HSF2BP: variants seen among roughly 807,000 people sequenced by gnomAD.
HSF2BP encodes the protein heat shock factor 2-binding protein.
Under a neutral mutation model 35.0 loss-of-function variants are expected in HSF2BP, and 35 were observed. That is an observed-to-expected ratio of 1.00 (90% CI 0.76 to 1.32). HSF2BP has a LOEUF of 1.32. HSF2BP is among the 40% of genes most tolerant of loss of function. HSF2BP has a pLI of 0.00. For missense variants in HSF2BP, 326 were observed against 321.7 expected (o/e 1.01, Z -0.10); for synonymous variants, 114 against 117.4 (o/e 0.97, Z 0.18).
chr21:43,636,689 T>C (rs958696573), intron 4 of HSF2BP, among the ~76,000 whole-genome samples: 2 of 151,830 alleles, frequency 1.3e-5, no homozygotes, highest in Non-Finnish European at 2.9e-5. Flanking sequence ...GTCAGGAGTT[T>C]AGGACCAGTC....
At chr21:43,600,964 T>C (rs1305702212) in intron 7 of HSF2BP, among the ~76,000 whole-genome samples, 6 of 152,266 alleles carry the variant, frequency 3.9e-5, no homozygotes, top group Non-Finnish European at 8.8e-5. Flanking sequence ...GATTTGTTTA[T>C]GTTGATTTCT....
intron 6 of HSF2BP, among the ~76,000 whole-genome samples, chr21:43,618,797 T>A (rs930757322): frequency 1.0e-4 from 15 of 148,348 alleles, no homozygotes; most frequent in African/African-American, 3.7e-4. Context: ...AAAAAAAAAA[T>A]TAGCCAGGCG....
intron 4 of HSF2BP, among the ~76,000 whole-genome samples, chr21:43,637,563 G>A (rs2082579965): frequency 6.6e-6 from 1 of 151,830 alleles, no homozygotes; most frequent in Non-Finnish European, 1.5e-5. Context: ...AGCATTTTAA[G>A]GAACCAAGGT....
At chr21:43,608,783 G>A (rs187170645) in intron 7 of HSF2BP, among the ~76,000 whole-genome samples, 16 of 151,918 alleles carry the variant, frequency 1.1e-4, no homozygotes, top group Non-Finnish European at 2.1e-4. Context: ...GCAAGAAAGT[G>A]AGACCCCTAT....
chr21:43,617,128 A>G (rs118015023), intron 6 of HSF2BP, among the ~76,000 whole-genome samples: 2,877 of 152,202 alleles, frequency 0.019, 39 homozygotes, highest in Middle Eastern at 0.058. Flanking sequence ...AAGCCTGACC[A>G]AACTGTAGAC....
At chr21:43,648,400 G>T (rs1013557177) in intron 3 of HSF2BP, among the ~76,000 whole-genome samples, 3 of 152,194 alleles carry the variant, frequency 2.0e-5, no homozygotes, top group African/African-American at 7.2e-5. Context: ...CAAGCATCTT[G>T]TCTGGAGCAA....
At chr21:43,467,753 C>T in the HSF2BP span, among the ~76,000 whole-genome samples, 1 of 99,108 alleles carries the variant, frequency 1.0e-5, no homozygotes, top group Non-Finnish European at 2.0e-5. Flanking sequence ...CCACACACCA[C>T]ACACCCACAC....
intron 7 of HSF2BP, among the ~76,000 whole-genome samples, chr21:43,608,341 TG>T (rs936083091): frequency 2.5e-4 from 38 of 151,796 alleles, no homozygotes; most frequent in African/African-American, 8.7e-4. Context: ...CAACGAAACA[TG>T]AAAAAATGCC....
intron 2 of HSF2BP, among the ~76,000 whole-genome samples, chr21:43,657,626 C>G (rs776461670): frequency 4.6e-5 from 7 of 152,216 alleles, no homozygotes; most frequent in Non-Finnish European, 8.8e-5. Flanking sequence ...GGATCTGGCC[C>G]CAGTCCAAGC....
At chr21:43,587,210 C>G (rs2081862876) in intron 8 of HSF2BP, among the ~76,000 whole-genome samples, 1 of 152,140 alleles carries the variant, frequency 6.6e-6, no homozygotes, top group Non-Finnish European at 1.5e-5. Context: ...CCATACATAA[C>G]TCAGGAGTCA....
intron 6 of HSF2BP, among the ~76,000 whole-genome samples, chr21:43,628,732 G>C (rs1208554395): frequency 1.3e-5 from 2 of 152,232 alleles, no homozygotes; most frequent in African/African-American, 4.8e-5. Context: ...CTAGAGAAAA[G>C]TCAATGCCTG....
intron 8 of HSF2BP, among the ~76,000 whole-genome samples, chr21:43,573,947 C>T (rs879362565): frequency 6.6e-6 from 1 of 152,210 alleles, no homozygotes; most frequent in Non-Finnish European, 1.5e-5. Context: ...GTCATCTTGT[C>T]TGCATGGGAC....
intron 8 of HSF2BP, among the ~76,000 whole-genome samples, chr21:43,589,778 G>T (rs2081903110): frequency 1.3e-5 from 2 of 151,950 alleles, no homozygotes; most frequent in African/African-American, 4.8e-5. Flanking sequence ...CAAAACAAAT[G>T]GTACTGGATC....
intron 8 of HSF2BP, among the ~76,000 whole-genome samples, chr21:43,573,985 A>T (rs1024078571): frequency 7.2e-5 from 11 of 152,218 alleles, no homozygotes; most frequent in Admixed American, 2.6e-4. Flanking sequence ...TAGTGAAGAC[A>T]GCCTCGAGGC....
the HSF2BP span, among the ~76,000 whole-genome samples, chr21:43,496,262 A>G: frequency 1.3e-5 from 1 of 77,416 alleles, no homozygotes; most frequent in Non-Finnish European, 2.7e-5. Context: ...ACAAATGGCA[A>G]CCCAAGAACA....
intron 4 of HSF2BP, among the ~76,000 whole-genome samples, chr21:43,641,043 T>C (rs923332592): frequency 6.6e-6 from 1 of 152,218 alleles, no homozygotes; most frequent in African/African-American, 2.4e-5. Flanking sequence ...AACTACAATT[T>C]TTCTTTTAAA....
At chr21:43,580,434 TATA>T (rs1232671792) in intron 8 of HSF2BP, among the ~76,000 whole-genome samples, 2 of 152,210 alleles carry the variant, frequency 1.3e-5, no homozygotes, top group African/African-American at 2.4e-5. Flanking sequence ...ACCACTCAAT[TATA>T]TCAACAGTGA....
Position 43,597,089 on chromosome 21 carries a change from G to A in HSF2BP, c.693-4761C>T, listed in dbSNP as rs2081997311. ...CCTAGAAAGGAGGGTTTCAGAACAA[G>A]GGAGCACTAAAATGTGCATGAAAAC... is the stretch of plus-strand genomic sequence containing the variant. On this transcript the variant is annotated intron_variant, in intron 7 of 8. Coordinates refer to ENST00000291560, the MANE Select transcript of HSF2BP (RefSeq NM_007031.2). This position sits in a 1 kb window ranked among gnomAD's most constrained non-coding sequence, Gnocchi z 4.3. Among the ~76,000 whole-genome samples, 1 of 152,088 alleles carries A rather than the reference G, an allele frequency of 6.6e-6. No individual in the cohort carries two copies. Among genetic ancestry groups the A allele is most frequent in the Non-Finnish European group, 1.5e-5 (1 of 68,018 alleles).
chr21:43,647,508 G>A (rs1463354637), intron 3 of HSF2BP, among the ~76,000 whole-genome samples: 1 of 152,190 alleles, frequency 6.6e-6, no homozygotes, highest in Non-Finnish European at 1.5e-5. Flanking sequence ...TGGGATTACA[G>A]GCGTGAGCTG....
Sources: gnomAD v4.1 joint callset for allele counts (sites outside exome capture counted in the v4.1 genomes callset) on GRCh38, gnomAD v4.1.1 for gene constraint, Gnocchi (gnomAD v3.1) non-coding constraint, MANE v1.5 for transcripts, NCBI Gene and HGNC (gene_info 2026-07-23, HGNC 2026-07-21) for gene names.